Variants in DEAF1 observed in about 807,000 individuals in gnomAD.
DEAF1 encodes deformed epidermal autoregulatory factor 1 homolog.
In DEAF1, 53 loss-of-function variants were observed where a neutral mutation model predicts 58.9. That is an observed-to-expected ratio of 0.90 (90% CI 0.72 to 1.13). DEAF1 has a LOEUF of 1.13. Ranked by LOEUF, DEAF1 falls within the 50% of genes most tolerant of loss-of-function variation. The pLI is 0.00. For synonymous variants in DEAF1, 385 were observed against 340.4 expected, an observed-to-expected ratio of 1.13 and a Z score of -1.44; for missense variants, 685 against 791.4, an observed-to-expected ratio of 0.87 and a Z score of 1.61.
chr11:678,088 C>G (rs1292165565), intron 9 of DEAF1, among the ~76,000 whole-genome samples: 1 of 151,968 alleles, frequency 6.6e-6, no homozygotes, highest in African/African-American at 2.4e-5. Context: ...AGTTCGAGAT[C>G]TGTAATCCCA....
At chr11:687,066 G>C in intron 4 of DEAF1, 69 bp from the exon 5 acceptor site, 3 of 1,606,362 alleles carry the variant, frequency 1.9e-6, no homozygotes, top group Non-Finnish European at 1.7e-6. Context: ...CCTACCTCCT[G>C]GCGCCTCCTC....
intron 7 of DEAF1, 127 bp from the exon 8 acceptor site, chr11:679,943 C>G: frequency 7.6e-7 from 1 of 1,316,012 alleles, no homozygotes; most frequent in South Asian, 1.3e-5. Flanking sequence ...GTAACTGTAC[C>G]CTCCCATGTG....
chr11:681,567 A>T (rs1434785905), intron 6 of DEAF1, among the ~76,000 whole-genome samples: 3 of 151,844 alleles, frequency 2.0e-5, no homozygotes, highest in African/African-American at 7.2e-5. Context: ...CCCGCCACCA[A>T]GCCTGGCTAG....
At chr11:695,530 T>G, upstream of DEAF1, 1 of 1,104,810 alleles carries the variant, frequency 9.1e-7, no homozygotes, top group East Asian at 3.2e-5. Context: ...GTGCCGCGGG[T>G]TTCGCCCGTT....
At chr11:700,652 C>T (rs144575238) in intron 1 of DEAF1, 98 of 1,613,962 alleles carry the variant, frequency 6.1e-5, no homozygotes, top group East Asian at 2.7e-4. Context: ...ACCTGGTCCT[C>T]GATCTTGCTC....
At chr11:681,568 G>A (rs1273748139) in intron 6 of DEAF1, among the ~76,000 whole-genome samples, 1 of 151,966 alleles carries the variant, frequency 6.6e-6, no homozygotes, top group African/African-American at 2.4e-5. Flanking sequence ...CCGCCACCAA[G>A]CCTGGCTAGT....
rs562063828 is a variant in DEAF1 at position 669,317 on chromosome 11, G to C, written c.1503+5219C>G. Among the ~76,000 whole-genome samples the C allele has an allele frequency of 7.8e-4, 119 of 151,920 alleles. 3 individuals are homozygous for C. In the South Asian group the frequency reaches 0.024, roughly 31 times the overall value. On this transcript the variant is annotated intron_variant, in intron 10 of 11. Transcript: ENST00000382409. ...TATATTTTCTAAGCATATTGGAGTT[G>C]AATTAGAAATCAGTTGTGGTAGGAA... is the stretch of plus-strand genomic sequence containing the variant.
chr11:700,954 G>C (rs1590037264), intron 1 of DEAF1: 2 of 552,122 alleles, frequency 3.6e-6, no homozygotes, highest in East Asian at 6.2e-5. Flanking sequence ...ATGTCTTGTA[G>C]AAGCCACTGG....
rs1206625353 is a variant in DEAF1 at position 679,759 on chromosome 11, G to A, written c.1055C>T (p.Ala352Val). 1.9e-6 allele frequency: 3 copies of A among 1,613,820 alleles called. No homozygotes were observed. Among genetic ancestry groups the A allele is most frequent in the South Asian group, 2.2e-5 (2 of 91,082 alleles). Residue 352 changes from alanine to valine, a missense_variant, in exon 8 of 12, where the codon GCG becomes GTG. Physicochemically the swap from Ala to Val is moderately conservative, Grantham distance 64. Coordinates refer to ENST00000382409, the MANE Select transcript of DEAF1 (RefSeq NM_021008.4). ...GACAGCAGTGGCCTCTACCGTGGAC[G>A]CTCGGTCAAAGGTCAGTGCCCCCGA... ...TTSGALTFDR[A>V]STVEATAVIS... is the part of the protein sequence containing the mutation.
chr11:695,067 C>T lies in DEAF1; in HGVS notation c.-20G>A. 7.0e-7 allele frequency: 1 copy of T among 1,436,630 alleles called. No individual in the cohort carries two copies. Among genetic ancestry groups the T allele is most frequent in the Non-Finnish European group, 9.1e-7 (1 of 1,095,530 alleles). 89.0% of individuals were successfully genotyped at this position (1,436,630 alleles called of 1,614,324 possible). A position where few individuals can be genotyped will look rare whatever the true frequency, so the allele number is the denominator to read the frequency against. On this transcript the variant is annotated 5_prime_UTR_variant, in exon 1 of 12. Transcript: ENST00000382409. ...CTCCATCCGGACTCCGCCGAGCCTT[C>T]CCGAAGGCGCCGTCCGGGACCGCCC...
intron 2 of DEAF1, chr11:689,881 A>T (rs1276070627): frequency 6.6e-6 from 1 of 152,114 alleles, no homozygotes; most frequent in African/African-American, 2.4e-5. Flanking sequence ...AGCACGTTCC[A>T]GGCACCCACA....
chr11:678,005 C>T (rs915088826), intron 9 of DEAF1, among the ~76,000 whole-genome samples: 2 of 147,740 alleles, frequency 1.4e-5, no homozygotes, highest in Admixed American at 6.8e-5. Flanking sequence ...GAAATCTTGG[C>T]TGCATGTGGT....
At chr11:681,994 G>C (rs1384659212) in intron 6 of DEAF1, among the ~76,000 whole-genome samples, 2 of 152,218 alleles carry the variant, frequency 1.3e-5, no homozygotes, top group Non-Finnish European at 2.9e-5. Flanking sequence ...AGCAACAGTG[G>C]AAAGCAGTTC....
exon 1 of DEAF1, among the ~76,000 whole-genome samples, chr11:707,025 G>C (rs76431003): frequency 6.6e-6 from 1 of 151,614 alleles, no homozygotes; most frequent in Admixed American, 6.6e-5. Context: ...AGGCAGGGCC[G>C]GGCATGCCCG....
Position 695,010 on chromosome 11 carries a change from A to C in DEAF1, c.38T>G (p.Leu13Arg). 1 of 1,276,816 alleles carries C rather than the reference A, an allele frequency of 7.8e-7. No homozygotes were observed. The highest frequency in any genetic ancestry group is 9.9e-7 in the Non-Finnish European group (1 of 1,005,442). The allele number at this position is 1,276,816 out of a possible 1,614,324, so 79.1% of individuals were successfully genotyped here. ...GGCCGCCACCGCCGCCGCCTCAGCCAGGCCCAGCTGCTTTGCCGCCGAGTC... is the reference window on the plus strand; with the variant it reads ...GGCCGCCACCGCCGCCGCCTCAGCCCGGCCCAGCTGCTTTGCCGCCGAGTC... ...DSDSAAKQLG[L>R]AEAAAVAAAA... is the part of the protein sequence containing the mutation. Residue 13 changes from leucine to arginine, a missense_variant, in exon 1 of 12, where the codon CTG (leucine) becomes CGG (arginine). By Grantham distance (102) the Leu-to-Arg change is moderately radical. Around this residue, in one of 3 missense-constraint regions of DEAF1, gnomAD observed 210 missense variants for 177.3 expected, o/e 1.18. Transcript: ENST00000382409.
rs778428564 is a variant in DEAF1, at chr11:688,052, G to C, written c.523C>G (p.Gln175Glu). 7 of 1,614,006 alleles carry C rather than the reference G, an allele frequency of 4.3e-6. No individual in the cohort carries two copies. Among genetic ancestry groups the C allele is most frequent in the Non-Finnish European group, 5.1e-6 (6 of 1,180,012 alleles). The change falls in exon 4 of 12, where the codon CAG becomes GAG. Residue 175 changes from glutamine (Q) to glutamate (E), a missense_variant. Transcript: ENST00000382409. The surrounding 1 kb of genome is among the most constrained non-coding windows in gnomAD (Gnocchi z 4.3). The stretch of plus-strand genomic sequence containing the variant: ...GGAGCCAGAGGGGTTGGAGGAGACT[G>C]AGGACCTTGGGCAGAGAAAGTGTTT... ...GPAAPLTPGP[Q>E]SPPTPLAPGQ...
chr11:691,510 T>C lies in DEAF1; in HGVS notation c.378A>G (p.Gly126=), dbSNP rs781475171. 1 of 1,612,842 alleles carries C rather than the reference T, an allele frequency of 6.2e-7. No homozygotes were observed. The highest frequency in any genetic ancestry group is 8.5e-7 in the Non-Finnish European group (1 of 1,179,986). ...TSVANAASIS[G]HVLSGRTALQ... is the part of the protein sequence containing the mutation. ...CCTCGGAGCAGCTTACCAGAACATG[T>C]CCTGAGATGGATGCCGCGTTCGCCA... The change falls in exon 2 of 12, where the codon GGA becomes GGG. Residue 126 remains glycine, a synonymous_variant. Transcript: ENST00000382409.
intron 10 of DEAF1, among the ~76,000 whole-genome samples, chr11:657,774 G>A (rs575579052): frequency 6.6e-6 from 1 of 152,234 alleles, no homozygotes; most frequent in East Asian, 1.9e-4. Flanking sequence ...AGCCTGGATC[G>A]GGGCACCTGG....
At chr11:679,989 C>T (rs1860276377) in intron 7 of DEAF1, 173 bp from the exon 8 acceptor site, 1 of 859,540 alleles carries the variant, frequency 1.2e-6, no homozygotes, top group Non-Finnish European at 1.8e-6. Flanking sequence ...TTGGAGAAGA[C>T]CTCACAGGAG....
Sources: allele counts gnomAD v4.1 joint callset (sites outside exome capture counted in the v4.1 genomes callset), GRCh38; gene constraint gnomAD v4.1.1; regional missense constraint gnomAD v4.1.1; non-coding constraint Gnocchi (gnomAD v3.1); transcripts MANE v1.5; gene names NCBI Gene and HGNC (gene_info 2026-07-23, HGNC 2026-07-21).